FARS2: variants seen among roughly 807,000 people sequenced by gnomAD.
FARS2 encodes the protein phenylalanyl-tRNA synthetase 2, mitochondrial.
FARS2 carries 40 observed loss-of-function variants against 46.4 expected under a neutral mutation model. The ratio of observed to expected loss-of-function variants is 0.86; its 90% CI spans 0.67 to 1.12. The LOEUF is 1.12. Ranked by LOEUF, FARS2 falls within the 50% of genes most tolerant of loss-of-function variation. The pLI, the probability that FARS2 is intolerant of heterozygous loss-of-function variation, is 0.00. For missense variants in FARS2, 513 were observed against 567.9 expected (o/e 0.90, Z 0.98); for synonymous variants, 234 against 214.9 (o/e 1.09, Z -0.78).
chr6:5,636,083 A>G (rs1163245026), intron 6 of FARS2, among the ~76,000 whole-genome samples: 1 of 152,188 alleles, frequency 6.6e-6, no homozygotes, highest in Non-Finnish European at 1.5e-5. Flanking sequence ...GCTTTAAAGA[A>G]GTGTAATAGG....
chr6:5,430,505 A>G (rs972649123), intron 3 of FARS2, among the ~76,000 whole-genome samples: 5 of 152,000 alleles, frequency 3.3e-5, no homozygotes, highest in African/African-American at 9.7e-5. Flanking sequence ...AAAATGTTTT[A>G]CTTAAGATTG....
intron 6 of FARS2, among the ~76,000 whole-genome samples, chr6:5,685,389 T>C (rs1489636037): frequency 6.6e-6 from 1 of 152,186 alleles, no homozygotes; most frequent in Non-Finnish European, 1.5e-5. Flanking sequence ...AACTGCCCTG[T>C]CCAGTCCTTC....
chr6:5,334,135 C>CT (rs899506962), intron 1 of FARS2, among the ~76,000 whole-genome samples: 3 of 152,254 alleles, frequency 2.0e-5, no homozygotes, highest in Non-Finnish European at 4.4e-5. Context: ...GAAAGTAGGA[C>CT]TTTTTTTAAA....
At chr6:5,513,731 C>A (rs549023363) in intron 4 of FARS2, among the ~76,000 whole-genome samples, 1 of 152,160 alleles carries the variant, frequency 6.6e-6, no homozygotes, top group Non-Finnish European at 1.5e-5. Context: ...CGTTTAGTTT[C>A]CTGATCTCAT....
intron 1 of FARS2, among the ~76,000 whole-genome samples, chr6:5,328,777 A>G (rs1364870526): frequency 2.0e-5 from 3 of 152,150 alleles, no homozygotes; most frequent in Non-Finnish European, 4.4e-5. Flanking sequence ...GTCCTTAAAA[A>G]TAAAAGAAAA....
At chr6:5,698,730 T>C (rs540419014) in intron 6 of FARS2, among the ~76,000 whole-genome samples, 1 of 152,284 alleles carries the variant, frequency 6.6e-6, no homozygotes, top group African/African-American at 2.4e-5. Context: ...GGCTGATTAG[T>C]GTATCAGTCA....
At chr6:5,354,236 A>G (rs545081024) in intron 1 of FARS2, among the ~76,000 whole-genome samples, 1 of 152,202 alleles carries the variant, frequency 6.6e-6, no homozygotes, top group African/African-American at 2.4e-5. Flanking sequence ...AGTTCTCATG[A>G]GCTTAATTAT....
chr6:5,296,632 A>G (rs1449502193), intron 1 of FARS2, among the ~76,000 whole-genome samples: 1 of 152,146 alleles, frequency 6.6e-6, no homozygotes. Flanking sequence ...CTGTCTCTGA[A>G]TTTAACCACT....
chr6:5,528,463 T>C (rs553102442), intron 4 of FARS2, among the ~76,000 whole-genome samples: 3 of 152,340 alleles, frequency 2.0e-5, no homozygotes, highest in African/African-American at 7.2e-5. Flanking sequence ...CTAACACTCA[T>C]GGCACTGATT....
intron 6 of FARS2, among the ~76,000 whole-genome samples, chr6:5,701,403 G>T (rs990792047): frequency 5.3e-5 from 8 of 152,222 alleles, no homozygotes; most frequent in Non-Finnish European, 1.2e-4. Flanking sequence ...GTCATTGGGG[G>T]AAGCATGCAG....
At chr6:5,272,245 T>C (rs796466631) in intron 1 of FARS2, among the ~76,000 whole-genome samples, 2 of 152,346 alleles carry the variant, frequency 1.3e-5, no homozygotes, top group African/African-American at 4.8e-5. Context: ...ATGAGGTACT[T>C]TGAGAGAGAG....
chr6:5,260,596 G>A (rs1049471639), upstream of FARS2: 32 of 1,203,980 alleles, frequency 2.7e-5, no homozygotes, highest in South Asian at 2.6e-5. Flanking sequence ...CCGCACCCCC[G>A]GTCCCCGGCC....
chr6:5,345,599 G>A (rs867695736), intron 1 of FARS2, among the ~76,000 whole-genome samples: 1 of 152,212 alleles, frequency 6.6e-6, no homozygotes, highest in Admixed American at 6.5e-5. Context: ...GAGATGAGTG[G>A]TAAGAGATTT....
chr6:5,649,197 C>T (rs1777221951), intron 6 of FARS2, among the ~76,000 whole-genome samples: 1 of 152,160 alleles, frequency 6.6e-6, no homozygotes, highest in Non-Finnish European at 1.5e-5. Flanking sequence ...ATATAGTTAG[C>T]ATCTGTTTGT....
At chr6:5,724,611 C>A (rs188543741) in intron 6 of FARS2, among the ~76,000 whole-genome samples, 2 of 152,312 alleles carry the variant, frequency 1.3e-5, no homozygotes, top group East Asian at 3.9e-4. Flanking sequence ...GCAGCCTGAG[C>A]CTGGTGCTCT....
intron 1 of FARS2, among the ~76,000 whole-genome samples, chr6:5,310,100 T>G (rs1389445031): frequency 6.6e-6 from 1 of 152,052 alleles, no homozygotes; most frequent in African/African-American, 2.4e-5. Flanking sequence ...ATAATGATGG[T>G]TTTCAAATCA....
In FARS2 at chr6:5,660,229, C is replaced by T. The variant is rs370300369; in HGVS notation, c.1217+46909C>T. Among the ~76,000 whole-genome samples, 38 of 152,308 alleles carry T rather than the reference C, an allele frequency of 2.5e-4. 1 individual carries two copies. The South Asian group carries it at 6.2e-3, about 25-fold the overall frequency. ...AGTCACTGTGGAAAGCAAAGGCAGA[C>T]GTGGCTGATGTTCTCAAAGAGCAAT... On this transcript the variant is annotated intron_variant, in intron 6 of 6. Coordinates refer to ENST00000274680, the MANE Select transcript of FARS2 (RefSeq NM_006567.5).
At chr6:5,294,297 A>G (rs1209085125) in intron 1 of FARS2, among the ~76,000 whole-genome samples, 1 of 152,262 alleles carries the variant, frequency 6.6e-6, no homozygotes, top group East Asian at 1.9e-4. Flanking sequence ...GAAAGGGAAA[A>G]GAGGAGTAGA....
intron 6 of FARS2, among the ~76,000 whole-genome samples, chr6:5,704,070 G>A (rs537238438): frequency 4.6e-5 from 7 of 152,166 alleles, no homozygotes; most frequent in South Asian, 2.1e-4. Flanking sequence ...AGATGCCAAC[G>A]CTGGTCAGCT....
Sources: gnomAD v4.1 joint callset for allele counts (sites outside exome capture counted in the v4.1 genomes callset) on GRCh38, gnomAD v4.1.1 for gene constraint, MANE v1.5 for transcripts, NCBI Gene and HGNC (gene_info 2026-07-23, HGNC 2026-07-21) for gene names.